Variants in MARCHF7 observed in about 807,000 individuals in gnomAD.
MARCHF7 encodes membrane associated ring-CH-type finger 7, also known as E3 ubiquitin-protein ligase MARCHF7.
In MARCHF7, 20 loss-of-function variants were observed where a neutral mutation model predicts 76.5. The ratio of observed to expected loss-of-function variants is 0.26; its 90% CI spans 0.18 to 0.38. The LOEUF is 0.38. Ranked by LOEUF, MARCHF7 falls within the 10% of genes least tolerant of loss-of-function variation. MARCHF7 has a pLI of 1.00. For synonymous variants in MARCHF7, 295 were observed against 293.0 expected (o/e 1.01, Z -0.07); for missense variants, 797 against 812.9 (o/e 0.98, Z 0.24).
At chr2:159,735,336 A>G (rs6432556) in intron 4 of MARCHF7, among the ~76,000 whole-genome samples, 5,682 of 152,306 alleles carry the variant, frequency 0.037, 341 homozygotes, top group African/African-American at 0.13. Flanking sequence ...GTAAATTTGC[A>G]AGTATCTTTA....
At position 159,752,357 on chromosome 2, in the gene MARCHF7, CA is replaced by C. The variant is rs759048310; in HGVS notation, c.1614-44del. 1.0e-4 allele frequency: 148 copies of C among 1,468,528 alleles called. 1 individual carries two copies. The Middle Eastern group carries it at 2.6e-3, about 25-fold the overall frequency. The allele number at this position is 1,468,528 out of a possible 1,614,324, so 91.0% of individuals were successfully genotyped here. Reference sequence around the variant, plus strand: ...ATTATGTATGACTGAAGTAACCAACCAGGATGAGTTATGATAGCTTTGGGAA... The same window carrying C: ...ATTATGTATGACTGAAGTAACCAACCGGATGAGTTATGATAGCTTTGGGAA... On this transcript the variant is annotated intron_variant, in intron 7 of 11. Transcript: ENST00000409175.
At chr2:159,733,297 G>A in intron 4 of MARCHF7, 1 of 668,376 alleles carries the variant, frequency 1.5e-6, no homozygotes, top group Non-Finnish European at 1.8e-6. Flanking sequence ...GAGTATAGTA[G>A]CACAATCTCA....
chr2:159,718,876 C>G (rs769352898), intron 3 of MARCHF7, among the ~76,000 whole-genome samples: 1 of 152,140 alleles, frequency 6.6e-6, no homozygotes, highest in Non-Finnish European at 1.5e-5. Flanking sequence ...GCATATGTAT[C>G]TGGAAAACAG....
At chr2:159,761,723 G>C (rs1025470181) in intron 9 of MARCHF7, among the ~76,000 whole-genome samples, 1 of 152,062 alleles carries the variant, frequency 6.6e-6, no homozygotes, top group Non-Finnish European at 1.5e-5. Flanking sequence ...CAAATTTCTT[G>C]AATACTCAGT....
At position 159,748,841 on chromosome 2, in the gene MARCHF7, A is replaced by C. The variant is rs1386216643; in HGVS notation, c.1551A>C (p.Lys517Asn). The C allele has an allele frequency of 6.2e-7, 1 of 1,613,922 alleles. No individual in the cohort carries two copies. Among genetic ancestry groups the C allele is most frequent in the East Asian group, 2.2e-5 (1 of 44,892 alleles). The change falls in exon 7 of 12, where the codon AAA becomes AAC. Residue 517 changes from lysine to asparagine, a missense_variant. By Grantham distance (94) the Lys-to-Asn change is moderately conservative (BLOSUM62 0). Transcript: ENST00000409175. ...CAGGTTGGAATTCAGCTGATGGTAA[A>C]AGTGATAAAACTAAAAGTGCGCCTT... ...IPSGWNSADG[K>N]SDKTKSAPSR...
At chr2:159,723,201 A>C (rs1333137083) in intron 3 of MARCHF7, among the ~76,000 whole-genome samples, 1 of 152,168 alleles carries the variant, frequency 6.6e-6, no homozygotes, top group Non-Finnish European at 1.5e-5. Context: ...GCCTTTAAAA[A>C]ATTTCCAGTT....
intron 8 of MARCHF7, among the ~76,000 whole-genome samples, chr2:159,757,224 A>G (rs1451086669): frequency 6.6e-6 from 1 of 152,126 alleles, no homozygotes; most frequent in African/African-American, 2.4e-5. Context: ...AGGTTATAAT[A>G]AGTGCTTTTC....
chr2:159,737,206 C>T (rs185027123), intron 4 of MARCHF7, among the ~76,000 whole-genome samples: 38 of 152,154 alleles, frequency 2.5e-4, no homozygotes, highest in Admixed American at 2.4e-3. Context: ...AATTTGTGTG[C>T]ATCGATACCA....
At chr2:159,726,170 G>A (rs1008636767) in intron 3 of MARCHF7, among the ~76,000 whole-genome samples, 1 of 152,170 alleles carries the variant, frequency 6.6e-6, no homozygotes, top group African/African-American at 2.4e-5. Context: ...ACCTTTAGGG[G>A]AATGGAACTG....
chr2:159,733,329 C>T (rs1458477198), intron 4 of MARCHF7: 2 of 531,038 alleles, frequency 3.8e-6, no homozygotes, highest in Non-Finnish European at 2.4e-6. Context: ...CCTCTGCCTC[C>T]TGGGCTCAAG....
intron 5 of MARCHF7, among the ~76,000 whole-genome samples, chr2:159,745,173 A>G (rs13390526): frequency 2.0e-5 from 3 of 152,116 alleles, no homozygotes; most frequent in Non-Finnish European, 2.9e-5. Flanking sequence ...TACATAATGT[A>G]TAGGTAGATG....
At chr2:159,734,818 A>G (rs1367043596) in intron 4 of MARCHF7, among the ~76,000 whole-genome samples, 5 of 101,154 alleles carry the variant, frequency 4.9e-5, no homozygotes, top group South Asian at 3.0e-4. Flanking sequence ...AAATAAAATG[A>G]AAAAAAAAAA....
At chr2:159,726,296 T>C (rs887660407) in intron 3 of MARCHF7, among the ~76,000 whole-genome samples, 2 of 151,942 alleles carry the variant, frequency 1.3e-5, no homozygotes, top group African/African-American at 4.8e-5. Flanking sequence ...CGAGTCTCGC[T>C]CTTGCACCCA....
At chr2:159,732,230 A>G (rs1702896086) in intron 4 of MARCHF7, among the ~76,000 whole-genome samples, 1 of 152,212 alleles carries the variant, frequency 6.6e-6, no homozygotes, top group South Asian at 2.1e-4. Flanking sequence ...CAAAATTTTC[A>G]TGTATTTAAG....
rs1705138361 is a variant in MARCHF7 at position 159,748,218 on chromosome 2, A to C, written c.928A>C (p.Asn310His). The C allele has an allele frequency of 6.2e-7, 1 of 1,613,946 alleles. No individual in the cohort carries two copies. The highest frequency in any genetic ancestry group is 1.7e-5 in the Admixed American group (1 of 60,012). Residue 310 changes from asparagine (N) to histidine (H), a missense_variant, in exon 7 of 12, where the codon AAT becomes CAT. Transcript: ENST00000409175. Reference protein sequence around the residue: ...SQDSLNTRSLNSENSYVSPRI... With the variant: ...SQDSLNTRSLHSENSYVSPRI... ...GGATTCCTTGAATACAAGATCATTG[A>C]ATTCTGAAAATTCTTACGTTTCTCC...
At chr2:159,751,718 A>T (rs971185370) in intron 7 of MARCHF7, among the ~76,000 whole-genome samples, 1 of 152,200 alleles carries the variant, frequency 6.6e-6, no homozygotes, top group Admixed American at 6.5e-5. Context: ...CTTATTATAT[A>T]AAACTATTAC....
intron 4 of MARCHF7, chr2:159,732,920 G>C (rs569397749): frequency 1.8e-4 from 175 of 985,250 alleles, no homozygotes; most frequent in Admixed American, 6.1e-4. Flanking sequence ...TGAGATGTAA[G>C]ATGAACAAGA....
At chr2:159,758,908 G>T (rs188798962) in intron 8 of MARCHF7, among the ~76,000 whole-genome samples, 1 of 152,314 alleles carries the variant, frequency 6.6e-6, no homozygotes, top group Non-Finnish European at 1.5e-5. Flanking sequence ...GAGGAAGTAG[G>T]AAGTACAGAT....
intron 6 of MARCHF7, among the ~76,000 whole-genome samples, chr2:159,747,382 C>A (rs1340815568): frequency 2.6e-5 from 4 of 152,036 alleles, no homozygotes; most frequent in African/African-American, 9.6e-5. Context: ...AAAAAATCTC[C>A]AAAACAGTCT....
Sources: gnomAD v4.1 joint callset for allele counts (sites outside exome capture counted in the v4.1 genomes callset) on GRCh38, gnomAD v4.1.1 for gene constraint, MANE v1.5 for transcripts, NCBI Gene and HGNC (gene_info 2026-07-23, HGNC 2026-07-21) for gene names.